PHYH: variants seen among roughly 807,000 people sequenced by gnomAD.
The protein encoded by PHYH is phytanoyl-CoA dioxygenase, peroxisomal.
Under a neutral mutation model 38.5 loss-of-function variants are expected in PHYH, and 32 were observed. The observed-to-expected ratio is 0.83, with a 90% CI of 0.63 to 1.12. The LOEUF is 1.12. Among genes scored for constraint, PHYH ranks in the 50% most tolerant of loss-of-function variants. The probability of loss-of-function intolerance (pLI) is 0.00; values close to 1 mark genes in which losing one functional copy is unlikely to be tolerated. For missense variants in PHYH, 426 were observed against 434.8 expected, an observed-to-expected ratio of 0.98 and a Z score of 0.18; for synonymous variants, 166 against 157.9, an observed-to-expected ratio of 1.05 and a Z score of -0.38.
At chr10:13,286,135 C>G (rs778780451) in intron 6 of PHYH, among the ~76,000 whole-genome samples, 3 of 152,002 alleles carry the variant, frequency 2.0e-5, no homozygotes, top group Non-Finnish European at 4.4e-5. Context: ...TGGTCCTGAA[C>G]TCCTGGGCTC....
At chr10:13,299,238 C>T (rs1199254703) in intron 1 of PHYH, among the ~76,000 whole-genome samples, 1 of 152,072 alleles carries the variant, frequency 6.6e-6, no homozygotes, top group Non-Finnish European at 1.5e-5. Flanking sequence ...GTTTCTTTAG[C>T]TTAATCGGTT....
intron 6 of PHYH, among the ~76,000 whole-genome samples, chr10:13,284,149 C>T (rs1031318803): frequency 6.6e-6 from 1 of 151,922 alleles, no homozygotes; most frequent in Non-Finnish European, 1.5e-5. Context: ...ATGGCAAAAC[C>T]CCATCTCTAC....
chr10:13,281,203 T>C (rs1411422423), intron 7 of PHYH, 93 bp from the exon 8 acceptor site: 1 of 1,281,908 alleles, frequency 7.8e-7, no homozygotes, highest in East Asian at 2.4e-5. Flanking sequence ...GTCATTTATT[T>C]CACTCAGTAT....
rs1419027168 is a variant in PHYH at position 13,288,503 on chromosome 10, G to T, written c.535C>A (p.His179Asn). ...TCGCTGGGCCTGAAGGGGAAATAGT[G>T]CAGGTCCTGGTGCAGGGGGTGACGG... ...TSRHPLHQDL[H>N]YFPFRPSDLI... Residue 179 changes from histidine to asparagine, a missense_variant, in exon 6 of 9, where the codon CAC becomes AAC. By Grantham distance (68) the His-to-Asn change is moderately conservative. Coordinates refer to ENST00000263038, the MANE Select transcript of PHYH (RefSeq NM_006214.4). 6.2e-7 allele frequency: 1 copy of T among 1,614,046 alleles called. No individual in the cohort carries two copies.
rs1835824533 is a variant in PHYH at position 13,295,520 on chromosome 10, G to C, written c.221C>G (p.Pro74Arg). Residue 74 changes from proline (P) to arginine (R), a missense_variant, in exon 3 of 9, where the codon CCT becomes CGT. Transcript: ENST00000263038. Reference sequence around the variant, plus strand: ...CCGAAAGCGTTGAATATCGGCATCAGGTACAAGATTTTTGATTACTAGAAA... The same window carrying C: ...CCGAAAGCGTTGAATATCGGCATCACGTACAAGATTTTTGATTACTAGAAA... ...NGFLVIKNLVPDADIQRFRNE... is the reference protein window; with the variant it reads ...NGFLVIKNLVRDADIQRFRNE... 4 of 1,555,294 alleles carry C rather than the reference G, an allele frequency of 2.6e-6. No homozygotes were observed. Among genetic ancestry groups the C allele is most frequent in the Non-Finnish European group, 3.6e-6 (4 of 1,126,436 alleles).
chr10:13,294,183 C>T (rs1394180013), intron 4 of PHYH, among the ~76,000 whole-genome samples: 1 of 152,130 alleles, frequency 6.6e-6, no homozygotes, highest in African/African-American at 2.4e-5. Context: ...GCGTGGGCAA[C>T]AGAGCGAGAC....
chr10:13,278,235 ACATTTTCCTTAGACATTT>A lies in PHYH; in HGVS notation c.*48_*65del. Reference sequence around the variant, plus strand: ...AAGGTTACATCATCTCATTAAGAAAACATTTTCCTTAGACATTTCGTTTGGTTTTGGTTTTCTGTTGAA... The same window carrying A: ...AAGGTTACATCATCTCATTAAGAAAACGTTTGGTTTTGGTTTTCTGTTGAA... On this transcript the variant is annotated 3_prime_UTR_variant, in exon 9 of 9. Coordinates refer to ENST00000263038, the MANE Select transcript of PHYH (RefSeq NM_006214.4). 1 of 1,081,368 alleles carries A rather than the reference ACATTTTCCTTAGACATTT, an allele frequency of 9.2e-7. No homozygotes were observed. The highest frequency in any genetic ancestry group is 2.2e-4 in the Middle Eastern group (1 of 4,494). 67.0% of individuals were successfully genotyped at this position (1,081,368 alleles called of 1,614,324 possible).
Position 13,278,139 on chromosome 10 carries a change from T to C in PHYH, c.*162A>G. 1 of 664,272 alleles carries C rather than the reference T, an allele frequency of 1.5e-6. No individual in the cohort carries two copies. The highest frequency in any genetic ancestry group is 2.8e-6 in the Non-Finnish European group (1 of 360,802). 41.1% of individuals were successfully genotyped at this position (664,272 alleles called of 1,614,324 possible). ...TTTTTTTTCCATTAAAGCAACACCA[T>C]TGTGCTGCAAAACTAACTCTATGCA... is the stretch of plus-strand genomic sequence containing the variant. On this transcript the variant is annotated 3_prime_UTR_variant, in exon 9 of 9. Coordinates refer to ENST00000263038, the MANE Select transcript of PHYH (RefSeq NM_006214.4).
At chr10:13,286,872 C>T (rs1212447560) in intron 6 of PHYH, among the ~76,000 whole-genome samples, 5 of 152,146 alleles carry the variant, frequency 3.3e-5, no homozygotes. Context: ...TAACAGAAAG[C>T]AGCTCAGTGG....
intron 6 of PHYH, among the ~76,000 whole-genome samples, chr10:13,287,030 ATTGT>A (rs1296319157): frequency 6.6e-6 from 1 of 152,134 alleles, no homozygotes; most frequent in Non-Finnish European, 1.5e-5. Context: ...TATTTGTTTA[ATTGT>A]TTGTTTTTTA....
intron 6 of PHYH, among the ~76,000 whole-genome samples, chr10:13,285,321 G>A (rs1236052215): frequency 2.0e-5 from 3 of 151,240 alleles, no homozygotes; most frequent in Non-Finnish European, 2.9e-5. Flanking sequence ...ATAGCTGGGA[G>A]TACAGGCACA....
intron 5 of PHYH, among the ~76,000 whole-genome samples, chr10:13,291,104 CAAAAAA>C (rs367712215): frequency 2.9e-4 from 22 of 76,344 alleles, no homozygotes; most frequent in African/African-American, 1.0e-3. Context: ...AACTCCATCT[CAAAAAA>C]AAAAAAAAAA....
chr10:13,299,687 CAA>C, intron 1 of PHYH: 2 of 1,257,010 alleles, frequency 1.6e-6, no homozygotes, highest in Non-Finnish European at 1.0e-6. Flanking sequence ...GACGTCTCCA[CAA>C]AGAGAGGAGC....
intron 5 of PHYH, 62 bp downstream of exon 5, chr10:13,291,769 G>A (rs1332118243): frequency 4.5e-6 from 5 of 1,103,654 alleles, no homozygotes; most frequent in Non-Finnish European, 6.9e-6. Flanking sequence ...ATGAGTTACT[G>A]CACCCAGCCA....
rs1588513605 is a variant in PHYH at position 13,291,542 on chromosome 10, C to T, written c.496+289G>A. The T allele has an allele frequency of 9.2e-6, 4 of 436,464 alleles. No individual in the cohort carries two copies. The East Asian group carries it at 1.8e-4, about 20-fold the overall frequency. The allele number at this position is 436,464 out of a possible 1,614,324, so 27.0% of individuals were successfully genotyped here. On this transcript the variant is annotated intron_variant, in intron 5 of 8. Coordinates refer to ENST00000263038, the MANE Select transcript of PHYH (RefSeq NM_006214.4). ...GTGTCACGCAGGCTGGAGAGCATGC[C>T]ATTATAGGTTCACTGCAGCCTTCAA...
chr10:13,289,431 G>A (rs1286899461), intron 5 of PHYH, among the ~76,000 whole-genome samples: 12 of 151,992 alleles, frequency 7.9e-5, no homozygotes, highest in African/African-American at 2.4e-5. Flanking sequence ...TCCTGACCTC[G>A]TGATCCGCCC....
At position 13,277,984 on chromosome 10, in the gene PHYH, T is replaced by G; in HGVS notation, c.*317A>C. 1 of 366,354 alleles carries G rather than the reference T, an allele frequency of 2.7e-6. No individual in the cohort carries two copies. Among genetic ancestry groups the G allele is most frequent in the South Asian group, 2.4e-5 (1 of 42,050 alleles). 22.7% of individuals were successfully genotyped at this position (366,354 alleles called of 1,614,324 possible). On this transcript the variant is annotated 3_prime_UTR_variant, in exon 9 of 9. Coordinates refer to ENST00000263038, the MANE Select transcript of PHYH (RefSeq NM_006214.4). ...ATACCCTAAGCTCCAAATCATTCAC[T>G]TCTTCTTGGGTAAAGAGCTAACTGA...
At chr10:13,289,938 CA>C (rs151163708) in intron 5 of PHYH, among the ~76,000 whole-genome samples, 46,988 of 85,714 alleles carry the variant, frequency 0.55, 9,592 homozygotes, top group African/African-American at 0.65. Context: ...GACTCTGTCT[CA>C]AAAAAAAAAA....
At position 13,298,042 on chromosome 10, in the gene PHYH, G is replaced by A. The variant is rs1299458881; in HGVS notation, c.134+145C>T. Reference sequence around the variant, plus strand: ...TCGGTCTCCAAAATTTTCCACAAGTGCACTAATTAGAATAAGTCCTGGAAA... The same window carrying A: ...TCGGTCTCCAAAATTTTCCACAAGTACACTAATTAGAATAAGTCCTGGAAA... On this transcript the variant is annotated intron_variant, in intron 2 of 8. Coordinates refer to ENST00000263038, the MANE Select transcript of PHYH (RefSeq NM_006214.4). 1.5e-5 allele frequency: 9 copies of A among 601,810 alleles called. No homozygotes were observed. The East Asian group carries it at 2.7e-4, about 18-fold the overall frequency. The allele number at this position is 601,810 out of a possible 1,614,324, so 37.3% of individuals were successfully genotyped here.
Sources: allele counts gnomAD v4.1 joint callset (sites outside exome capture counted in the v4.1 genomes callset), GRCh38; gene constraint gnomAD v4.1.1; transcripts MANE v1.5; gene names NCBI Gene and HGNC (gene_info 2026-07-23, HGNC 2026-07-21).